PSD3: variants seen among roughly 807,000 people sequenced by gnomAD.
PSD3 encodes the protein pleckstrin and Sec7 domain containing 3, also known as PH and SEC7 domain-containing protein 3.
Under a neutral mutation model 105.5 loss-of-function variants are expected in PSD3, and 49 were observed. The observed-to-expected ratio is 0.46, with a 90% CI of 0.37 to 0.59. The LOEUF (loss-of-function observed/expected upper bound fraction) is 0.59, where lower values mean the gene tolerates loss of function less well. Ranked by LOEUF, PSD3 falls within the 20% of genes least tolerant of loss-of-function variation. The probability of loss-of-function intolerance (pLI) is 0.00; values close to 1 mark genes in which losing one functional copy is unlikely to be tolerated. For synonymous variants in PSD3, 557 were observed against 457.8 expected (o/e 1.22, Z -2.77); for missense variants, 1,561 against 1,263.8 (o/e 1.24, Z -3.57).
At chr8:18,544,105 T>C (rs1475878929) in intron 15 of PSD3, among the ~76,000 whole-genome samples, 2 of 140,066 alleles carry the variant, frequency 1.4e-5, no homozygotes, top group Non-Finnish European at 3.0e-5. Context: ...AGAAAAGCAA[T>C]AATCTCATGT....
chr8:18,736,465 G>C (rs891328112), intron 9 of PSD3, among the ~76,000 whole-genome samples: 2 of 152,112 alleles, frequency 1.3e-5, no homozygotes, highest in Admixed American at 6.6e-5. Flanking sequence ...TTATAGACGA[G>C]TATGTGTTAG....
intron 1 of PSD3, among the ~76,000 whole-genome samples, chr8:18,965,018 T>C (rs1291610910): frequency 6.6e-6 from 1 of 152,218 alleles, no homozygotes; most frequent in Non-Finnish European, 1.5e-5. Context: ...ATAAAAAGGT[T>C]CATTCATGTT....
chr8:18,750,954 C>T (rs1399892474), intron 9 of PSD3, among the ~76,000 whole-genome samples: 1 of 152,140 alleles, frequency 6.6e-6, no homozygotes, highest in Admixed American at 6.5e-5. Flanking sequence ...ACCTCCCCAC[C>T]AGACTCAGGA....
intron 11 of PSD3, among the ~76,000 whole-genome samples, chr8:18,603,255 A>G (rs1804566406): frequency 6.6e-6 from 1 of 152,164 alleles, no homozygotes; most frequent in Non-Finnish European, 1.5e-5. Flanking sequence ...TTTGATTCCA[A>G]CAATCTGCCT....
rs528758801 is a variant in PSD3 at position 18,871,971 on chromosome 8, T to C, written c.893A>G (p.His298Arg). The change falls in exon 3 of 16, where the codon CAT becomes CGT. Residue 298 changes from histidine (H) to arginine (R), a missense_variant. His to Arg is a conservative substitution (Grantham distance 29). Coordinates refer to ENST00000327040, the MANE Select transcript of PSD3 (RefSeq NM_015310.4). Reference sequence around the variant, plus strand: ...TATTTCCACTCCTTGAAATTCCACATGTTTGACCCGGCCTGGGCGTCCCAT... The same window carrying C: ...TATTTCCACTCCTTGAAATTCCACACGTTTGACCCGGCCTGGGCGTCCCAT... Reference protein sequence around the residue: ...SSMGRPGRVKHVEFQGVEILW... With the variant: ...SSMGRPGRVKRVEFQGVEILW... 3.1e-6 allele frequency: 5 copies of C among 1,614,032 alleles called. No homozygotes were observed. Among genetic ancestry groups the C allele is most frequent in the East Asian group, 4.5e-5 (2 of 44,860 alleles).
rs1330895865 is a variant in PSD3, at chr8:18,920,018, A to T, written c.130+16016T>A. ...AGTATAATAAAAAAATAAATAAATT[A>T]AAAAAAAAAAAAACAATCACAAAAA... On this transcript the variant is annotated intron_variant, in intron 2 of 15. Coordinates refer to ENST00000327040, the MANE Select transcript of PSD3 (RefSeq NM_015310.4). Among the ~76,000 whole-genome samples the T allele has an allele frequency of 4.9e-3, 598 of 121,308 alleles. 3 individuals carry two copies. The highest frequency in any genetic ancestry group is 0.021 in the South Asian group (89 of 4,196). The allele number at this position is 121,308 out of a possible 152,430, so 79.6% of individuals were successfully genotyped here.
rs1483546587 is a variant in PSD3, at chr8:18,640,055, T to C, written c.2217-7249A>G. 3.3e-5 allele frequency among the ~76,000 whole-genome samples: 5 copies of C among 152,276 alleles called. No individual in the cohort carries two copies. The East Asian group carries it at 9.7e-4, about 29-fold the overall frequency. ...AGCCCAGGATGAGTAGAAAGGTCTC[T>C]GGAATCCCCATTCACTTTCAAAAAA... On this transcript the variant is annotated intron_variant, in intron 10 of 15. Transcript: ENST00000327040.
At position 18,580,217 on chromosome 8, in the gene PSD3, C is replaced by G. The variant is rs148519401; in HGVS notation, c.2482-4932G>C. Among the ~76,000 whole-genome samples, 808 of 152,172 alleles carry G rather than the reference C, an allele frequency of 5.3e-3. 3 individuals are homozygous for G. The highest frequency in any genetic ancestry group is 7.9e-3 in the Non-Finnish European group (535 of 68,018). On this transcript the variant is annotated intron_variant, in intron 12 of 15. Transcript: ENST00000327040. The stretch of plus-strand genomic sequence containing the variant: ...AGGAAATAAAAACGCCATGAGCTCA[C>G]AAGAAAGCAGGATGAGTGACAGGAG...
intron 4 of PSD3, among the ~76,000 whole-genome samples, chr8:18,821,971 C>A (rs1224110964): frequency 2.6e-5 from 4 of 151,938 alleles, no homozygotes; most frequent in Non-Finnish European, 5.9e-5. Flanking sequence ...AGTTCTTTAA[C>A]TTCTAAGCCC....
chr8:19,046,458 G>T (rs535696218), intron 1 of PSD3, among the ~76,000 whole-genome samples: 14 of 152,230 alleles, frequency 9.2e-5, no homozygotes, highest in Non-Finnish European at 1.5e-4. Flanking sequence ...AGCAGCAACC[G>T]ATTTCCTTTA....
chr8:18,866,536 C>T (rs745630483), intron 4 of PSD3, among the ~76,000 whole-genome samples: 1 of 152,166 alleles, frequency 6.6e-6, no homozygotes, highest in Non-Finnish European at 1.5e-5. Flanking sequence ...CCAAGTACTT[C>T]AGACCAAAGT....
intron 1 of PSD3, among the ~76,000 whole-genome samples, chr8:19,033,727 CAGGAATTGA>C (rs1230406435): frequency 1.3e-5 from 2 of 151,966 alleles, no homozygotes; most frequent in Non-Finnish European, 2.9e-5. Context: ...GCAGCACTCC[CAGGAATTGA>C]AGTCTCATAA....
intron 1 of PSD3, among the ~76,000 whole-genome samples, chr8:18,952,940 A>G (rs1823334815): frequency 6.6e-6 from 1 of 152,196 alleles, no homozygotes; most frequent in African/African-American, 2.4e-5. Flanking sequence ...AAAAGACAAC[A>G]TAAGCAAAGA....
chr8:18,855,031 A>C (rs954041356), intron 4 of PSD3, among the ~76,000 whole-genome samples: 1 of 152,212 alleles, frequency 6.6e-6, no homozygotes, highest in Non-Finnish European at 1.5e-5. Context: ...CGTGGCCGCC[A>C]GACCTAACCA....
intron 11 of PSD3, among the ~76,000 whole-genome samples, chr8:18,621,132 G>A (rs945660769): frequency 6.6e-6 from 1 of 152,150 alleles, no homozygotes; most frequent in Non-Finnish European, 1.5e-5. Flanking sequence ...TTCCAGCCAG[G>A]CACGGTGGCT....
At chr8:18,977,115 C>T (rs2129472454) in intron 1 of PSD3, among the ~76,000 whole-genome samples, 1 of 152,060 alleles carries the variant, frequency 6.6e-6, no homozygotes, top group Non-Finnish European at 1.5e-5. Context: ...CAAAAATTAG[C>T]CAGGTGTGCT....
chr8:19,026,932 G>C (rs772263198), intron 1 of PSD3, among the ~76,000 whole-genome samples: 140 of 124,640 alleles, frequency 1.1e-3, no homozygotes, highest in Non-Finnish European at 2.2e-3. Context: ...CTGAATGAAT[G>C]AGTGAGTGAA....
chr8:18,816,694 G>T (rs1812249081), intron 4 of PSD3, among the ~76,000 whole-genome samples: 1 of 152,156 alleles, frequency 6.6e-6, no homozygotes, highest in South Asian at 2.1e-4. Flanking sequence ...ATAAGAGAGA[G>T]AAACAATAAA....
intron 6 of PSD3, 161 bp downstream of exon 6, chr8:18,804,361 C>A (rs1811002188): frequency 4.9e-6 from 3 of 614,062 alleles, no homozygotes; most frequent in East Asian, 5.9e-5. Context: ...AATCCAAAAT[C>A]CACAACACTT....
Sources: gnomAD v4.1 joint callset for allele counts (sites outside exome capture counted in the v4.1 genomes callset) on GRCh38, gnomAD v4.1.1 for gene constraint, MANE v1.5 for transcripts, NCBI Gene and HGNC (gene_info 2026-07-23, HGNC 2026-07-21) for gene names.